GRM8: variants seen among roughly 807,000 people sequenced by gnomAD.
The protein encoded by GRM8 is metabotropic glutamate receptor 8.
In GRM8, 47 loss-of-function variants were observed where a neutral mutation model predicts 87.2. The ratio of observed to expected loss-of-function variants is 0.54; its 90% CI spans 0.43 to 0.69. The LOEUF is 0.69. Among genes scored for constraint, GRM8 ranks in the 30% least tolerant of loss-of-function variants. The pLI is 0.00. For missense variants in GRM8, 1,019 were observed against 1,139.2 expected (o/e 0.89, Z 1.52); for synonymous variants, 396 against 404.5 (o/e 0.98, Z 0.25).
At chr7:127,193,179 A>G (rs1183209781) in intron 2 of GRM8, among the ~76,000 whole-genome samples, 2 of 152,262 alleles carry the variant, frequency 1.3e-5, no homozygotes, top group Non-Finnish European at 2.9e-5. Flanking sequence ...AAGTAAATGC[A>G]TAACACAAAT....
chr7:126,788,420 A>AAAAAAAAAAAAACAACAAAAAAC, intron 6 of GRM8, among the ~76,000 whole-genome samples: 1 of 81,134 alleles, frequency 1.2e-5, no homozygotes, highest in South Asian at 4.9e-4. Flanking sequence ...AAAAAAAAAA[A>AAAAAAAAAAAAACAACAAAAAAC]AAACCCTTTC....
intron 8 of GRM8, among the ~76,000 whole-genome samples, chr7:126,564,765 A>G (rs2150968961): frequency 6.6e-6 from 1 of 152,298 alleles, no homozygotes; most frequent in African/African-American, 2.4e-5. Context: ...AAAGCCAAAT[A>G]CAACAAAGGA....
Position 127,202,048 on chromosome 7 carries a change from T to G in GRM8, c.510+40647A>C, listed in dbSNP as rs539039890. On this transcript the variant is annotated intron_variant, in intron 2 of 10. Coordinates refer to ENST00000339582, the MANE Select transcript of GRM8 (RefSeq NM_000845.3). The stretch of plus-strand genomic sequence containing the variant: ...AAATTCACTGCTGAAAGATTCCTTC[T>G]TGAATCTGTCTCAGAAACAATCTTG... Among the ~76,000 whole-genome samples, 12 of 152,318 alleles carry G rather than the reference T, an allele frequency of 7.9e-5. No homozygotes were observed. The South Asian group carries it at 2.1e-3, about 26-fold the overall frequency.
chr7:126,741,865 T>C (rs1022609972), intron 7 of GRM8, among the ~76,000 whole-genome samples: 2 of 152,102 alleles, frequency 1.3e-5, no homozygotes, highest in Admixed American at 6.6e-5. Context: ...CTAAGTTCCT[T>C]GTCTGTAAAA....
chr7:126,782,343 G>A (rs1820166275), intron 6 of GRM8, among the ~76,000 whole-genome samples: 1 of 152,182 alleles, frequency 6.6e-6, no homozygotes, highest in African/African-American at 2.4e-5. Context: ...CCTGTGAAGA[G>A]GCACAGCCAG....
chr7:126,505,281 A>G (rs1214873601), intron 9 of GRM8, among the ~76,000 whole-genome samples: 1 of 152,110 alleles, frequency 6.6e-6, no homozygotes, highest in Non-Finnish European at 1.5e-5. Context: ...TAACATGAAC[A>G]CTAATTAGAA....
At chr7:126,787,816 C>G (rs951735264) in intron 6 of GRM8, among the ~76,000 whole-genome samples, 3 of 151,968 alleles carry the variant, frequency 2.0e-5, no homozygotes, top group Admixed American at 6.6e-5. Flanking sequence ...GATCATCATG[C>G]CTCAATATGA....
At chr7:126,531,907 T>C (rs750608432) in intron 9 of GRM8, among the ~76,000 whole-genome samples, 48 of 152,172 alleles carry the variant, frequency 3.2e-4, no homozygotes, top group Non-Finnish European at 4.4e-4. Context: ...CCCCATGACG[T>C]TTCATTTTTC....
At chr7:126,493,242 T>G (rs1808263508) in intron 9 of GRM8, among the ~76,000 whole-genome samples, 1 of 152,082 alleles carries the variant, frequency 6.6e-6, no homozygotes, top group Non-Finnish European at 1.5e-5. Context: ...AGCAGGGCTA[T>G]GTTACAAAAT....
At chr7:127,186,755 C>T (rs1198265348) in intron 2 of GRM8, among the ~76,000 whole-genome samples, 1 of 152,166 alleles carries the variant, frequency 6.6e-6, no homozygotes, top group Non-Finnish European at 1.5e-5. Context: ...TGCAAGAGAT[C>T]TTATGGGAAA....
At chr7:126,868,559 T>C (rs1467552420) in intron 6 of GRM8, among the ~76,000 whole-genome samples, 1 of 152,188 alleles carries the variant, frequency 6.6e-6, no homozygotes, top group African/African-American at 2.4e-5. Context: ...TAGACATTAA[T>C]AGAAGACCAG....
At chr7:126,796,511 G>A (rs1347285915) in intron 6 of GRM8, among the ~76,000 whole-genome samples, 3 of 152,070 alleles carry the variant, frequency 2.0e-5, no homozygotes, top group Non-Finnish European at 4.4e-5. Context: ...ATGACCATTT[G>A]TCATGGCTCC....
chr7:126,634,644 T>A (rs895936732), intron 7 of GRM8, among the ~76,000 whole-genome samples: 3 of 150,752 alleles, frequency 2.0e-5, no homozygotes, highest in African/African-American at 7.3e-5. Flanking sequence ...CCTGCCTACC[T>A]TCTCCCCCTG....
At chr7:127,017,488 C>T (rs1231360048) in intron 3 of GRM8, among the ~76,000 whole-genome samples, 2 of 152,002 alleles carry the variant, frequency 1.3e-5, no homozygotes, top group Non-Finnish European at 1.5e-5. Context: ...AGAAATAGCC[C>T]TTGGTGATAT....
intron 7 of GRM8, among the ~76,000 whole-genome samples, chr7:126,663,722 G>C (rs1805462541): frequency 6.6e-6 from 1 of 152,096 alleles, no homozygotes. Flanking sequence ...TCCCCACTTA[G>C]AACAGGAACA....
chr7:127,015,846 G>A (rs938425738), intron 3 of GRM8, among the ~76,000 whole-genome samples: 3 of 152,064 alleles, frequency 2.0e-5, no homozygotes, highest in African/African-American at 7.2e-5. Flanking sequence ...AGCTGAAAGA[G>A]GAAGAACTTA....
intron 2 of GRM8, among the ~76,000 whole-genome samples, chr7:127,107,327 A>T (rs957615872): frequency 6.6e-6 from 1 of 152,232 alleles, no homozygotes; most frequent in African/African-American, 2.4e-5. Flanking sequence ...TAGAAACATC[A>T]TTCTAACCCC....
intron 9 of GRM8, among the ~76,000 whole-genome samples, chr7:126,492,708 T>A (rs897952778): frequency 6.6e-6 from 1 of 152,088 alleles, no homozygotes; most frequent in African/African-American, 2.4e-5. Flanking sequence ...TTTATTATTT[T>A]GGAATCACTG....
chr7:127,040,837 C>A (rs1030222158), intron 3 of GRM8, among the ~76,000 whole-genome samples: 13 of 152,156 alleles, frequency 8.5e-5, no homozygotes, highest in African/African-American at 1.2e-4. Flanking sequence ...TTTCTTAAAG[C>A]TACGAGCTGT....
Sources: allele counts gnomAD v4.1 joint callset (sites outside exome capture counted in the v4.1 genomes callset), GRCh38; gene constraint gnomAD v4.1.1; transcripts MANE v1.5; gene names NCBI Gene and HGNC (gene_info 2026-07-23, HGNC 2026-07-21).